The following ABCB1 variants were observed in gnomAD, a reference collection of about 807,000 sequenced individuals.
The protein encoded by ABCB1 is ATP-dependent translocase ABCB1.
In ABCB1, 69 loss-of-function variants were observed where a neutral mutation model predicts 142.0. That is an observed-to-expected ratio of 0.49 (90% CI 0.40 to 0.59). The LOEUF (loss-of-function observed/expected upper bound fraction) is 0.59. Ranked by LOEUF, ABCB1 falls within the 20% of genes least tolerant of loss-of-function variation. ABCB1 has a pLI of 0.00. For synonymous variants in ABCB1, 532 were observed against 539.2 expected (o/e 0.99, Z 0.18); for missense variants, 1,326 against 1,554.7 (o/e 0.85, Z 2.47).
chr7:87,591,944 A>C (rs1819016742), intron 3 of ABCB1, among the ~76,000 whole-genome samples: 1 of 152,234 alleles, frequency 6.6e-6, no homozygotes, highest in African/African-American at 2.4e-5. Flanking sequence ...AAAATCAGCA[A>C]ACCGTGACAT....
Position 87,676,521 on chromosome 7 carries a change from TG to T in ABCB1, c.-331+36639del, listed in dbSNP as rs368105034. ...TTCAAGACAACCAGCCTGGCCAACA[TG>T]GTGAAACCCCATCTCTACTGAAAAC... On this transcript the variant is annotated intron_variant, in intron 1 of 28. Coordinates refer to the ABCB1 transcript ENST00000265724. Among the ~76,000 whole-genome samples the T allele has an allele frequency of 1.4e-4, 22 of 151,864 alleles. No homozygotes were observed. The East Asian group carries it at 4.1e-3, about 28-fold the overall frequency.
At chr7:87,578,692 C>CTTTTTT (rs35471539) in intron 4 of ABCB1, among the ~76,000 whole-genome samples, 2 of 102,644 alleles carry the variant, frequency 1.9e-5, no homozygotes, top group Non-Finnish European at 1.9e-5. Context: ...AGACTACTTT[C>CTTTTTT]TTTTTTTTTT....
chr7:87,528,998 T>G (rs1815917301), intron 21 of ABCB1, among the ~76,000 whole-genome samples: 1 of 152,194 alleles, frequency 6.6e-6, no homozygotes, highest in African/African-American at 2.4e-5. Flanking sequence ...ATACAGAGTT[T>G]GGTAATCCAT....
In ABCB1 at chr7:87,587,861, T is replaced by G. The variant is rs578195415; in HGVS notation, c.118-2181A>C. ...CTGCACTCCAGCCTGGGCGACAGAG[T>G]GAGACTCTGTCTCAAAAAAAAAAAA... On this transcript the variant is annotated intron_variant, in intron 3 of 27. Transcript: ENST00000622132. Among the ~76,000 whole-genome samples, 21 of 118,476 alleles carry G rather than the reference T, an allele frequency of 1.8e-4. No homozygotes were observed. In the South Asian group the frequency reaches 4.9e-3, roughly 28 times the overall value. The allele number at this position is 118,476 out of a possible 152,430, so 77.7% of individuals were successfully genotyped here.
chr7:87,686,051 A>G (rs1024903262), intron 1 of ABCB1, among the ~76,000 whole-genome samples: 3 of 152,196 alleles, frequency 2.0e-5, no homozygotes, highest in Non-Finnish European at 4.4e-5. Flanking sequence ...TGCTTTGGAA[A>G]TGAATCATAA....
chr7:87,603,314 G>A (rs1819531770), upstream of ABCB1, among the ~76,000 whole-genome samples: 1 of 152,146 alleles, frequency 6.6e-6, no homozygotes, highest in Admixed American at 6.5e-5. Context: ...AAGACACTGA[G>A]GTTTGCATTA....
At position 87,692,846 on chromosome 7, in the gene ABCB1, G is replaced by A. The variant is rs533012302; in HGVS notation, c.-331+20315C>T. On this transcript the variant is annotated intron_variant, in intron 1 of 28. Coordinates refer to the ABCB1 transcript ENST00000265724. Reference sequence around the variant, plus strand: ...TGTTCTAATATGAGCTTTAACTGTCGTACCAAGTTATAGATCCTTTTGGAT... The same window carrying A: ...TGTTCTAATATGAGCTTTAACTGTCATACCAAGTTATAGATCCTTTTGGAT... Among the ~76,000 whole-genome samples the A allele has an allele frequency of 7.9e-5, 12 of 152,200 alleles. No homozygotes were observed. In the South Asian group the frequency reaches 1.2e-3, roughly 16 times the overall value.
intron 14 of ABCB1, among the ~76,000 whole-genome samples, 198 bp downstream of exon 14, chr7:87,549,150 A>T (rs1343111956): frequency 6.6e-6 from 1 of 152,244 alleles, no homozygotes; most frequent in Non-Finnish European, 1.5e-5. Flanking sequence ...AAGATCAGAG[A>T]AATAAATAGA....
intron 12 of ABCB1, 30 bp downstream of exon 12, chr7:87,550,141 G>T: frequency 1.2e-6 from 2 of 1,614,034 alleles, no homozygotes; most frequent in Non-Finnish European, 1.7e-6. Context: ...GCTGATCACC[G>T]CAGGGTCTAG....
chr7:87,700,360 A>G, intron 1 of ABCB1: 2 of 1,370,852 alleles, frequency 1.5e-6, no homozygotes, highest in African/African-American at 1.5e-5. Context: ...TTGTTCTTGC[A>G]TTTTCAAGTC....
At chr7:87,572,365 T>C (rs1818088700) in intron 4 of ABCB1, among the ~76,000 whole-genome samples, 1 of 152,218 alleles carries the variant, frequency 6.6e-6, no homozygotes, top group South Asian at 2.1e-4. Flanking sequence ...CTTCTAAGTC[T>C]ACAGTCATTT....
At chr7:87,680,785 C>A in intron 1 of ABCB1, among the ~76,000 whole-genome samples, 1 of 148,672 alleles carries the variant, frequency 6.7e-6, no homozygotes, top group East Asian at 2.0e-4. Context: ...AGGAGTGAAA[C>A]TCCATCTCAA....
chr7:87,586,037 G>A (rs1448568021), intron 3 of ABCB1, among the ~76,000 whole-genome samples: 2 of 152,172 alleles, frequency 1.3e-5, no homozygotes. Context: ...ATCATCTCAT[G>A]GGCAAAAACT....
intron 23 of ABCB1, among the ~76,000 whole-genome samples, chr7:87,518,513 C>G (rs1815347973): frequency 6.6e-6 from 1 of 152,150 alleles, no homozygotes; most frequent in Admixed American, 6.5e-5. Context: ...ATTTAGATGT[C>G]TTTTTGGGGG....
Position 87,534,715 on chromosome 7 carries a change from G to C in ABCB1, c.2481+1743C>G, listed in dbSNP as rs562441872. Among the ~76,000 whole-genome samples the C allele has an allele frequency of 5.6e-4, 85 of 152,034 alleles. 1 individual carries two copies. In the Middle Eastern group the frequency reaches 0.014, roughly 25 times the overall value. ...GGATCACTTGAGCCCAGGAGTTCAA[G>C]ACCAGACTGGGCAACATAGGGAGAC... is the stretch of plus-strand genomic sequence containing the variant. On this transcript the variant is annotated intron_variant, in intron 20 of 27. Coordinates refer to ENST00000622132, the MANE Select transcript of ABCB1 (RefSeq NM_001348946.2).
At position 87,531,482 on chromosome 7, in the gene ABCB1, G is replaced by C. The variant is rs1280076381; in HGVS notation, c.2497C>G (p.Leu833Val). 6.2e-7 allele frequency: 1 copy of C among 1,613,004 alleles called. No homozygotes were observed. Among genetic ancestry groups the C allele is most frequent in the East Asian group, 2.2e-5 (1 of 44,792 alleles). Residue 833 changes from leucine to valine, a missense_variant, in exon 21 of 28, where the codon CTT (leucine) becomes GTT (valine). Transcript: ENST00000622132. ...GCTATATTCTGGGTAATTACAGCAA[G>C]CCTGGAACCTATAGCCTGCAAAACA... ...AQVKGAIGSR[L>V]AVITQNIANL...
intron 1 of ABCB1, among the ~76,000 whole-genome samples, chr7:87,610,441 G>T (rs958961174): frequency 7.9e-6 from 1 of 126,700 alleles, no homozygotes; most frequent in Non-Finnish European, 1.6e-5. Context: ...GAGTCTGCCT[G>T]TGTAGCCCAG....
intron 8 of ABCB1, among the ~76,000 whole-genome samples, chr7:87,556,953 C>T (rs1817336948): frequency 6.6e-6 from 1 of 151,910 alleles, no homozygotes; most frequent in Non-Finnish European, 1.5e-5. Context: ...CCCCAGGAAA[C>T]TTGGAAGACT....
chr7:87,628,960 G>A (rs760037420), intron 1 of ABCB1: 55 of 1,308,382 alleles, frequency 4.2e-5, no homozygotes, highest in Non-Finnish European at 5.3e-5. Context: ...GGCAGCGCAG[G>A]GCGAGGGGAA....
Sources: gnomAD v4.1 joint callset for allele counts (sites outside exome capture counted in the v4.1 genomes callset) on GRCh38, gnomAD v4.1.1 for gene constraint, MANE v1.5 for transcripts, NCBI Gene and HGNC (gene_info 2026-07-23, HGNC 2026-07-21) for gene names.